CTPS2: variants seen among roughly 807,000 people sequenced by gnomAD.
CTPS2 encodes the protein CTP synthase 2.
Under a neutral mutation model 46.8 loss-of-function variants are expected in CTPS2, and 19 were observed. The observed-to-expected ratio is 0.41, with a 90% CI of 0.28 to 0.60. The LOEUF (loss-of-function observed/expected upper bound fraction) is 0.60. Among genes scored for constraint, CTPS2 ranks in the 20% least tolerant of loss-of-function variants. CTPS2 has a pLI of 0.35. For missense variants in CTPS2, 286 were observed against 447.6 expected (o/e 0.64, Z 3.26); for synonymous variants, 151 against 165.2 (o/e 0.91, Z 0.66).
chrX:16,650,726 G>T (rs1254057679), intron 13 of CTPS2, among the ~76,000 whole-genome samples: 1 of 109,482 alleles, frequency 9.1e-6, no homozygotes, highest in Non-Finnish European at 1.9e-5. Context: ...GGCTTCCATG[G>T]TCTCGAACTC....
chrX:16,635,827 C>A (rs1363370093), intron 14 of CTPS2, among the ~76,000 whole-genome samples: 2 of 111,953 alleles, frequency 1.8e-5, no homozygotes, highest in South Asian at 3.7e-4. Context: ...AGTGGGAGGG[C>A]ACAAGTTCAT....
intron 9 of CTPS2, among the ~76,000 whole-genome samples, chrX:16,682,456 A>G (rs7891132): frequency 0.11 from 12,191 of 111,430 alleles, 941 homozygotes; most frequent in African/African-American, 0.27. Flanking sequence ...CTGCACACCA[A>G]CCTGGGCGGC....
intron 13 of CTPS2, among the ~76,000 whole-genome samples, chrX:16,645,237 C>T (rs1462435283): frequency 9.1e-6 from 1 of 109,485 alleles, no homozygotes; most frequent in Non-Finnish European, 1.9e-5. Flanking sequence ...CTGTGAACCA[C>T]ACGCCTCAGC....
intron 13 of CTPS2, among the ~76,000 whole-genome samples, chrX:16,655,405 C>T (rs1932792937): frequency 8.9e-6 from 1 of 111,763 alleles, no homozygotes; most frequent in African/African-American, 3.3e-5. Flanking sequence ...GTTCAAGTTC[C>T]ACTTTTTGCG....
chrX:16,633,038 G>A (rs113218569), intron 14 of CTPS2, among the ~76,000 whole-genome samples: 1,385 of 109,991 alleles, frequency 0.013, 13 homozygotes, highest in African/African-American at 0.042. Flanking sequence ...TGCCTCATCC[G>A]TGGAGTTCAT....
At chrX:16,707,842 G>A (rs1326667434) in intron 1 of CTPS2, among the ~76,000 whole-genome samples, 3 of 110,653 alleles carry the variant, frequency 2.7e-5, no homozygotes, top group Non-Finnish European at 3.8e-5. Flanking sequence ...GCGTGGTGGC[G>A]TGTGCCTGTG....
intron 14 of CTPS2, among the ~76,000 whole-genome samples, chrX:16,623,508 C>T (rs1287992434): frequency 3.6e-5 from 4 of 111,528 alleles, no homozygotes; most frequent in African/African-American, 9.8e-5. Context: ...TGAGAACATG[C>T]GATGTTTGTC....
chrX:16,654,658 T>C, intron 13 of CTPS2: 1 of 350,142 alleles, frequency 2.9e-6, no homozygotes, highest in South Asian at 8.2e-5. Flanking sequence ...AATAAAGAAA[T>C]TATTAGACAT....
At chrX:16,658,323 T>A (rs1036676377) in intron 13 of CTPS2, among the ~76,000 whole-genome samples, 1 of 111,009 alleles carries the variant, frequency 9.0e-6, no homozygotes, top group Non-Finnish European at 1.9e-5. Context: ...ACAAGAGCAT[T>A]CTCATGGTAT....
intron 2 of CTPS2, among the ~76,000 whole-genome samples, chrX:16,699,703 G>A (rs1924402688): frequency 8.9e-6 from 1 of 112,357 alleles, no homozygotes; most frequent in African/African-American, 3.2e-5. Context: ...AGAGTCGTAT[G>A]TTTCTAAAGC....
At chrX:16,655,944 C>T (rs1416691242) in intron 13 of CTPS2, among the ~76,000 whole-genome samples, 1 of 110,946 alleles carries the variant, frequency 9.0e-6, no homozygotes, top group Non-Finnish European at 1.9e-5. Context: ...TACAGGTGTG[C>T]ACCCCCACAT....
At chrX:16,610,839 A>T (rs753039107) in intron 16 of CTPS2, among the ~76,000 whole-genome samples, 3 of 112,695 alleles carry the variant, frequency 2.7e-5, no homozygotes, top group African/African-American at 9.6e-5. Context: ...GCACATATAT[A>T]CCATGGAATA....
At chrX:16,661,993 C>CATATATATATATATATATATATATAT (rs5901592) in intron 13 of CTPS2, among the ~76,000 whole-genome samples, 2 of 85,331 alleles carry the variant, frequency 2.3e-5, no homozygotes, top group African/African-American at 8.1e-5. Context: ...ATTGTTCATT[C>CATATATATATATATATATATATATAT]ATATATATAT....
intron 13 of CTPS2, among the ~76,000 whole-genome samples, chrX:16,658,701 C>T (rs912833722): frequency 3.6e-5 from 4 of 112,399 alleles, no homozygotes; most frequent in African/African-American, 1.3e-4. Context: ...AGAGCATTTG[C>T]TGGTCTCATT....
intron 1 of CTPS2, among the ~76,000 whole-genome samples, chrX:16,710,354 G>A (rs950059310): frequency 9.0e-6 from 1 of 111,650 alleles, no homozygotes; most frequent in African/African-American, 3.3e-5. Context: ...ATCTTTAAGG[G>A]GTTTTCATTT....
At chrX:16,614,002 C>T (rs1930397677) in intron 16 of CTPS2, among the ~76,000 whole-genome samples, 1 of 111,294 alleles carries the variant, frequency 9.0e-6, no homozygotes, top group African/African-American at 3.3e-5. Context: ...CACTCTACAA[C>T]AGGGGTGTCC....
chrX:16,654,381 C>G (rs1176839186), intron 13 of CTPS2: 1 of 1,036,977 alleles, frequency 9.6e-7, no homozygotes, highest in African/African-American at 1.9e-5. Context: ...CCTCCCTTCT[C>G]CCATCCTTTT....
intron 17 of CTPS2, among the ~76,000 whole-genome samples, chrX:16,596,629 C>G (rs1484737884): frequency 9.0e-6 from 1 of 110,893 alleles, no homozygotes; most frequent in African/African-American, 3.3e-5. Flanking sequence ...GTCTTTGCTA[C>G]TGTGAATAGT....
intron 14 of CTPS2, among the ~76,000 whole-genome samples, chrX:16,624,705 T>C (rs749135454): frequency 7.1e-5 from 8 of 112,216 alleles, no homozygotes; most frequent in Non-Finnish European, 1.1e-4. Flanking sequence ...CATGAAATGA[T>C]CCTAGGAATG....
Sources: allele counts gnomAD v4.1 joint callset (sites outside exome capture counted in the v4.1 genomes callset), GRCh38; gene constraint gnomAD v4.1.1; transcripts MANE v1.5; gene names NCBI Gene and HGNC (gene_info 2026-07-23, HGNC 2026-07-21).